Variants in ZFHX3 observed in about 807,000 individuals in gnomAD.
ZFHX3 encodes the protein zinc finger homeobox 3.
In ZFHX3, 42 loss-of-function variants were observed where a neutral mutation model predicts 279.1. The observed-to-expected ratio is 0.15, with a 90% CI of 0.12 to 0.19. ZFHX3 has a LOEUF of 0.19. Ranked by LOEUF, ZFHX3 falls within the 10% of genes least tolerant of loss-of-function variation. ZFHX3 has a pLI of 1.00. For missense variants in ZFHX3, 4,981 were observed against 4,754.0 expected, an observed-to-expected ratio of 1.05 and a Z score of -1.40; for synonymous variants, 2,293 against 1,957.8, an observed-to-expected ratio of 1.17 and a Z score of -4.52.
At chr16:73,815,094 A>C (rs1960530477) in intron 1 of ZFHX3, among the ~76,000 whole-genome samples, 1 of 152,244 alleles carries the variant, frequency 6.6e-6, no homozygotes, top group Non-Finnish European at 1.5e-5. Flanking sequence ...TGTGCAAAGC[A>C]CTTAACCCAA....
intron 4 of ZFHX3, among the ~76,000 whole-genome samples, chr16:72,886,665 C>T (rs2038629757): frequency 6.6e-6 from 1 of 152,172 alleles, no homozygotes; most frequent in Non-Finnish European, 1.5e-5. Context: ...GCCAAAAAAA[C>T]ACCCCAAACA....
rs781680097 is a variant in ZFHX3 at position 72,795,098 on chromosome 16, G to T, written c.7584C>A (p.Ile2528=). 5 of 1,613,972 alleles carry T rather than the reference G, an allele frequency of 3.1e-6. No individual in the cohort carries two copies. In the East Asian group the frequency reaches 6.7e-5, roughly 22 times the overall value. The change falls in exon 9 of 10, where the codon ATC becomes ATA. Residue 2528 remains isoleucine, a synonymous_variant. Transcript: ENST00000268489. ...ACTTACACTGGTCACACTGGTAGGGGATTAGCTGAGGAGGTAGGTTTGCGA... is the reference window on the plus strand; with the variant it reads ...ACTTACACTGGTCACACTGGTAGGGTATTAGCTGAGGAGGTAGGTTTGCGA... ...QQLANLPPQL[I]PYQCDQCKLA...
chr16:73,874,288 A>G (rs1328224748), intron 1 of ZFHX3, among the ~76,000 whole-genome samples: 1 of 152,204 alleles, frequency 6.6e-6, no homozygotes, highest in Non-Finnish European at 1.5e-5. Flanking sequence ...AGCTAAAATT[A>G]TGACAACTGT....
At chr16:73,170,226 T>TTTA (rs1425213792) in intron 5 of ZFHX3, among the ~76,000 whole-genome samples, 2 of 120,654 alleles carry the variant, frequency 1.7e-5, no homozygotes, top group African/African-American at 7.8e-5. Flanking sequence ...TTCACTAGTT[T>TTTA]TTTTTTTTTT....
At chr16:73,591,692 CAAAAAAA>C (rs57402211) in intron 2 of ZFHX3, among the ~76,000 whole-genome samples, 2,762 of 33,286 alleles carry the variant, frequency 0.083, 58 homozygotes, top group African/African-American at 0.25. Context: ...GACTCTGTCT[CAAAAAAA>C]AAAAAAAAAA....
At chr16:73,467,504 G>A (rs776943006) in intron 2 of ZFHX3, among the ~76,000 whole-genome samples, 8 of 152,146 alleles carry the variant, frequency 5.3e-5, no homozygotes, top group South Asian at 2.1e-4. Flanking sequence ...GTAGTGCACC[G>A]ACAGGCACAA....
chr16:73,729,230 A>G (rs1207042466), intron 1 of ZFHX3, among the ~76,000 whole-genome samples: 2 of 152,136 alleles, frequency 1.3e-5, no homozygotes, highest in Non-Finnish European at 2.9e-5. Context: ...CCTCCCTTAC[A>G]ACACACCTGG....
chr16:73,287,538 G>A (rs1371745353), intron 4 of ZFHX3, among the ~76,000 whole-genome samples: 2 of 144,812 alleles, frequency 1.4e-5, no homozygotes, highest in Non-Finnish European at 3.0e-5. Context: ...CTGTGTGGGT[G>A]TGTGGGTCAG....
At chr16:73,780,061 C>T (rs1391519170) in intron 1 of ZFHX3, among the ~76,000 whole-genome samples, 1 of 136,954 alleles carries the variant, frequency 7.3e-6, no homozygotes, top group East Asian at 2.3e-4. Context: ...GAGATAGCTT[C>T]TGCCACCAGG....
chr16:72,957,761 C>T lies in ZFHX3; in HGVS notation c.2385G>A (p.Pro795=), dbSNP rs10852515. 3 of 1,613,948 alleles carry T rather than the reference C, an allele frequency of 1.9e-6. No homozygotes were observed. Among genetic ancestry groups the T allele is most frequent in the East Asian group, 2.2e-5 (1 of 44,862 alleles). ...AGGTGGGTTTGGTTTTTGGTTTGGT[C>T]GGCGAGGGGGCCCCGCAGGAGCTAC... ...NISSSCGAPS[P]TKPKTKPTWR... is the part of the protein sequence containing the mutation. Residue 795 remains proline, a synonymous_variant, in exon 2 of 10, where the codon CCG becomes CCA. Coordinates refer to ENST00000268489, the MANE Select transcript of ZFHX3 (RefSeq NM_006885.4).
At chr16:73,641,940 G>C (rs1473204919) in intron 2 of ZFHX3, among the ~76,000 whole-genome samples, 1 of 152,068 alleles carries the variant, frequency 6.6e-6, no homozygotes, top group East Asian at 1.9e-4. Context: ...AACGAGATAG[G>C]TGACGCGAGC....
intron 3 of ZFHX3, among the ~76,000 whole-genome samples, chr16:72,893,123 C>A (rs2038814122): frequency 6.6e-6 from 1 of 152,066 alleles, no homozygotes; most frequent in African/African-American, 2.4e-5. Flanking sequence ...GTCACCAGGA[C>A]CAAAAGAATG....
At chr16:72,955,171 C>T (rs924509245) in intron 2 of ZFHX3, among the ~76,000 whole-genome samples, 3 of 152,188 alleles carry the variant, frequency 2.0e-5, no homozygotes, top group Non-Finnish European at 2.9e-5. Flanking sequence ...CAGCAGTTTT[C>T]GCGGCCCAAG....
chr16:73,327,986 C>T (rs2015727084), intron 3 of ZFHX3, among the ~76,000 whole-genome samples: 1 of 152,170 alleles, frequency 6.6e-6, no homozygotes, highest in African/African-American at 2.4e-5. Flanking sequence ...TGGTCATCAA[C>T]CTTTTCAGCT....
intron 1 of ZFHX3, among the ~76,000 whole-genome samples, chr16:73,886,884 G>A (rs1312527258): frequency 1.3e-5 from 2 of 152,210 alleles, no homozygotes; most frequent in Non-Finnish European, 2.9e-5. Flanking sequence ...TGTCCTAGCT[G>A]AAGGACCAGT....
At chr16:73,127,385 T>C in intron 7 of ZFHX3, 2 of 1,305,424 alleles carry the variant, frequency 1.5e-6, no homozygotes, top group South Asian at 1.2e-5. Context: ...GGCTGCTAAC[T>C]AAATATTTTT....
At chr16:73,806,827 C>T (rs554474161) in intron 1 of ZFHX3, among the ~76,000 whole-genome samples, 1 of 152,318 alleles carries the variant, frequency 6.6e-6, no homozygotes, top group African/African-American at 2.4e-5. Flanking sequence ...AAGCCCTCTC[C>T]AGCTTTGGCA....
chr16:73,580,508 C>A (rs865795615), intron 2 of ZFHX3, among the ~76,000 whole-genome samples: 48 of 140,148 alleles, frequency 3.4e-4, no homozygotes, highest in East Asian at 6.3e-4. Flanking sequence ...AACAAACAAA[C>A]AAAAAAAAAA....
intron 7 of ZFHX3, among the ~76,000 whole-genome samples, chr16:73,100,673 G>A (rs1966220079): frequency 1.3e-5 from 2 of 150,806 alleles, no homozygotes; most frequent in African/African-American, 4.9e-5. Context: ...TCTGCCTCCT[G>A]GGTAATTTCC....
Sources: gnomAD v4.1 joint callset for allele counts (sites outside exome capture counted in the v4.1 genomes callset) on GRCh38, gnomAD v4.1.1 for gene constraint, MANE v1.5 for transcripts, NCBI Gene and HGNC (gene_info 2026-07-23, HGNC 2026-07-21) for gene names.